Variants in RFX3 observed in about 807,000 individuals in gnomAD.
RFX3 encodes the protein transcription factor RFX3.
In RFX3, 14 loss-of-function variants were observed where a neutral mutation model predicts 98.6. The observed-to-expected ratio is 0.14, with a 90% CI of 0.09 to 0.22. The LOEUF is 0.22. RFX3 is among the 10% of genes least tolerant of loss of function. The pLI, the probability that RFX3 is intolerant of heterozygous loss-of-function variation, is 1.00. For missense variants in RFX3, 639 were observed against 926.9 expected (o/e 0.69, Z 4.03); for synonymous variants, 383 against 328.4 (o/e 1.17, Z -1.80).
intron 2 of RFX3, among the ~76,000 whole-genome samples, chr9:3,390,449 C>G (rs183335030): frequency 6.6e-6 from 1 of 152,120 alleles, no homozygotes; most frequent in East Asian, 1.9e-4. Flanking sequence ...GATAATGATA[C>G]GGACTATGAA....
intron 15 of RFX3, among the ~76,000 whole-genome samples, chr9:3,236,933 A>AT (rs2130797351): frequency 6.6e-6 from 1 of 152,324 alleles, no homozygotes; most frequent in East Asian, 1.9e-4. Flanking sequence ...AGGAAAGAAG[A>AT]TTTTTAAGCT....
chr9:3,496,015 C>T (rs1322318811), intron 1 of RFX3, among the ~76,000 whole-genome samples: 1 of 151,890 alleles, frequency 6.6e-6, no homozygotes, highest in Non-Finnish European at 1.5e-5. Context: ...GGTAATCAAA[C>T]TTTTATGTGA....
Position 3,495,702 on chromosome 9 carries a change from T to A in RFX3, c.-9+30045A>T, listed in dbSNP as rs112115972. On this transcript the variant is annotated intron_variant, in intron 1 of 16. Coordinates refer to ENST00000617270, the MANE Select transcript of RFX3 (RefSeq NM_001282116.2). ...TGGTTTTCTTCCCACTCTTAAAATA[T>A]CAAGGCAATGTTAAGCATGTTCTGT... 4.6e-5 allele frequency among the ~76,000 whole-genome samples: 7 copies of A among 152,180 alleles called. 1 individual carries two copies. The highest frequency in any genetic ancestry group is 1.3e-4 in the Admixed American group (2 of 15,294).
At chr9:3,365,612 T>C (rs570210225) in intron 2 of RFX3, among the ~76,000 whole-genome samples, 52 of 152,288 alleles carry the variant, frequency 3.4e-4, no homozygotes, top group African/African-American at 1.2e-3. Context: ...ACTGCTAATA[T>C]ATTACCTACT....
At chr9:3,341,633 T>C (rs953630288) in intron 3 of RFX3, among the ~76,000 whole-genome samples, 1 of 152,188 alleles carries the variant, frequency 6.6e-6, no homozygotes, top group Non-Finnish European at 1.5e-5. Flanking sequence ...ATTTAATTCA[T>C]TCAGCAAATA....
intron 1 of RFX3, among the ~76,000 whole-genome samples, chr9:3,458,752 A>G (rs1847417473): frequency 1.3e-5 from 2 of 152,190 alleles, no homozygotes; most frequent in Admixed American, 1.3e-4. Context: ...TTTTCTACAC[A>G]TGCTTAATAG....
intron 1 of RFX3, among the ~76,000 whole-genome samples, chr9:3,482,250 C>A (rs1280584973): frequency 6.6e-6 from 1 of 151,310 alleles, no homozygotes; most frequent in Non-Finnish European, 1.5e-5. Context: ...ATGGTATGAC[C>A]CAATTTTCAT....
At chr9:3,247,890 C>T (rs981381216) in intron 15 of RFX3, 142 bp downstream of exon 15, 1 of 1,609,230 alleles carries the variant, frequency 6.2e-7, no homozygotes, top group South Asian at 1.1e-5. Context: ...GGAACTCTTG[C>T]AATAACTCCA....
chr9:3,505,364 A>AT lies in RFX3; in HGVS notation c.-9+20382_-9+20383insA, dbSNP rs1564187334. Among the ~76,000 whole-genome samples, 269 of 113,110 alleles carry AT rather than the reference A, an allele frequency of 2.4e-3. 11 individuals carry two copies. The highest frequency in any genetic ancestry group is 7.5e-3 in the Middle Eastern group (1 of 134). The allele number at this position is 113,110 out of a possible 152,430, so 74.2% of individuals were successfully genotyped here. A position where few individuals can be genotyped will look rare whatever the true frequency, so the allele number is the denominator to read the frequency against. On this transcript the variant is annotated intron_variant, in intron 1 of 16. Coordinates refer to ENST00000617270, the MANE Select transcript of RFX3 (RefSeq NM_001282116.2). ...AAATAAAATATTTTATATTTATATA[A>AT]ATATAAAATATTTTATATTTATATA...
intron 1 of RFX3, among the ~76,000 whole-genome samples, chr9:3,487,455 C>A (rs1425421125): frequency 6.6e-6 from 1 of 152,064 alleles, no homozygotes; most frequent in African/African-American, 2.4e-5. Context: ...ATCCTGTGTA[C>A]AGTATTAAGT....
intron 1 of RFX3, among the ~76,000 whole-genome samples, chr9:3,459,720 T>C (rs1012990899): frequency 2.0e-5 from 3 of 152,094 alleles, no homozygotes. Flanking sequence ...ATTCTTTTCC[T>C]TCTCAATCTT....
intron 1 of RFX3, among the ~76,000 whole-genome samples, chr9:3,479,725 A>C (rs1004297980): frequency 3.9e-5 from 6 of 152,224 alleles, no homozygotes; most frequent in Non-Finnish European, 8.8e-5. Flanking sequence ...ACTGAGGCCA[A>C]AACCAACTAT....
chr9:3,251,839 A>C (rs1366842913), intron 14 of RFX3, among the ~76,000 whole-genome samples: 1 of 151,512 alleles, frequency 6.6e-6, no homozygotes, highest in Non-Finnish European at 1.5e-5. Context: ...AGGCCTTTCT[A>C]TTTCTCTTTC....
At chr9:3,472,854 T>A (rs1410314765) in intron 1 of RFX3, among the ~76,000 whole-genome samples, 1 of 152,204 alleles carries the variant, frequency 6.6e-6, no homozygotes, top group Non-Finnish European at 1.5e-5. Context: ...ATAGTTATTT[T>A]CTGTACATTA....
intron 9 of RFX3, among the ~76,000 whole-genome samples, chr9:3,274,582 CA>C (rs968926903): frequency 6.6e-6 from 1 of 152,064 alleles, no homozygotes; most frequent in African/African-American, 2.4e-5. Flanking sequence ...TAGAAAACAC[CA>C]AAAGGAACCC....
chr9:3,513,660 T>C (rs1425485681), intron 1 of RFX3, among the ~76,000 whole-genome samples: 1 of 152,242 alleles, frequency 6.6e-6, no homozygotes, highest in Non-Finnish European at 1.5e-5. Flanking sequence ...GGACTGGAAG[T>C]GAGTGTTGCA....
At chr9:3,243,782 A>G (rs1820269139) in intron 15 of RFX3, among the ~76,000 whole-genome samples, 1 of 152,206 alleles carries the variant, frequency 6.6e-6, no homozygotes, top group African/African-American at 2.4e-5. Context: ...ACAAATACCC[A>G]GCAAAGTTTG....
In RFX3 at chr9:3,346,655, A is replaced by T; in HGVS notation, c.215+12T>A. ...GTGGGGGAATTAAAAAGACTTCCACATATAAACTTACATTGCTCCATTGGT... is the reference window on the plus strand; with the variant it reads ...GTGGGGGAATTAAAAAGACTTCCACTTATAAACTTACATTGCTCCATTGGT... On this transcript the variant is annotated intron_variant, in intron 3 of 16. Coordinates refer to ENST00000617270, the MANE Select transcript of RFX3 (RefSeq NM_001282116.2). 2 of 1,551,724 alleles carry T rather than the reference A, an allele frequency of 1.3e-6. No homozygotes were observed. Among genetic ancestry groups the T allele is most frequent in the Non-Finnish European group, 1.8e-6 (2 of 1,123,044 alleles).
intron 2 of RFX3, among the ~76,000 whole-genome samples, chr9:3,372,163 C>A (rs1311557305): frequency 6.6e-6 from 1 of 152,180 alleles, no homozygotes; most frequent in African/African-American, 2.4e-5. Flanking sequence ...CCTACCATCA[C>A]ATTAGCTAGC....
Sources: allele counts gnomAD v4.1 joint callset (sites outside exome capture counted in the v4.1 genomes callset), GRCh38; gene constraint gnomAD v4.1.1; transcripts MANE v1.5; gene names NCBI Gene and HGNC (gene_info 2026-07-23, HGNC 2026-07-21).